The following IL3RA variants were observed in gnomAD, a reference collection of about 807,000 sequenced individuals.
The protein encoded by IL3RA is interleukin-3 receptor subunit alpha.
In IL3RA, 73 loss-of-function variants were observed where a neutral mutation model predicts 52.3. That is an observed-to-expected ratio of 1.40 (90% CI 1.16 to 1.70). IL3RA has a LOEUF of 1.70. Ranked by LOEUF, IL3RA falls within the 40% of genes most tolerant of loss-of-function variation. The pLI, the probability that IL3RA is intolerant of heterozygous loss-of-function variation, is 0.00. For missense variants in IL3RA, 664 were observed against 504.4 expected (o/e 1.32, Z -3.03); for synonymous variants, 260 against 194.0 (o/e 1.34, Z -2.83).
chrX:1,373,824 A>G (rs1459773825), intron 9 of IL3RA, among the ~76,000 whole-genome samples: 1 of 60,852 alleles, frequency 1.6e-5, no homozygotes, highest in Non-Finnish European at 2.7e-5. Flanking sequence ...CACACGGAGG[A>G]ACAACCCTGT....
At chrX:1,349,490 T>C (rs1379383772) in intron 4 of IL3RA, among the ~76,000 whole-genome samples, 3 of 151,854 alleles carry the variant, frequency 2.0e-5, no homozygotes, top group East Asian at 1.9e-4. Context: ...TTAAATACTT[T>C]TTGTAGAGAT....
At chrX:1,345,584 G>A in intron 3 of IL3RA, 150 bp downstream of exon 3, 1 of 453,474 alleles carries the variant, frequency 2.2e-6, no homozygotes, top group Non-Finnish European at 3.8e-6. Flanking sequence ...CCACCTCCCA[G>A]GTCCATGCCA....
At chrX:1,349,317 G>C (rs2085972172) in intron 4 of IL3RA, among the ~76,000 whole-genome samples, 1 of 151,626 alleles carries the variant, frequency 6.6e-6, no homozygotes. Flanking sequence ...GAGTAGCTGG[G>C]ATTATAGGCG....
intron 6 of IL3RA, among the ~76,000 whole-genome samples, chrX:1,355,111 GAGAGGA>G (rs1312283684): frequency 1.9e-5 from 1 of 53,522 alleles, no homozygotes; most frequent in Non-Finnish European, 3.5e-5. Flanking sequence ...GGAGCGGGAG[GAGAGGA>G]GGAGGAGGAG....
At chrX:1,348,320 T>A in intron 3 of IL3RA, 111 bp from the exon 4 acceptor site, 1 of 837,830 alleles carries the variant, frequency 1.2e-6, no homozygotes, top group Non-Finnish European at 2.1e-6. Flanking sequence ...GCCACTGCAC[T>A]CCAGCGTGGG....
At chrX:1,356,614 G>A (rs1242092868) in intron 7 of IL3RA, among the ~76,000 whole-genome samples, 2 of 151,384 alleles carry the variant, frequency 1.3e-5, no homozygotes, top group Non-Finnish European at 2.9e-5. Flanking sequence ...CTAAAAATAC[G>A]AAAAAAAATT....
chrX:1,378,389 G>T (rs1180083072), intron 9 of IL3RA, among the ~76,000 whole-genome samples: 4 of 152,144 alleles, frequency 2.6e-5, no homozygotes, highest in South Asian at 2.1e-4. Context: ...GGCAGACAGG[G>T]ATCCCTGGTG....
At position 1,352,400 on chromosome X, in the gene IL3RA, C is replaced by T. The variant is rs1163736427; in HGVS notation, c.510C>T (p.Ile170=). The T allele has an allele frequency of 3.7e-6, 6 of 1,613,892 alleles. No individual in the cohort carries two copies. The highest frequency in any genetic ancestry group is 1.7e-4 in the Middle Eastern group (1 of 6,056). ...GTATCGGGTGTCGTTTCGATGACATCTCTCGACTCTCCAGCGGTTCTCAAA... is the reference window on the plus strand; with the variant it reads ...GTATCGGGTGTCGTTTCGATGACATTTCTCGACTCTCCAGCGGTTCTCAAA... ...GTRIGCRFDD[I]SRLSSGSQSS... The change falls in exon 6 of 12, where the codon ATC becomes ATT. Residue 170 remains isoleucine (I), a synonymous_variant. Coordinates refer to ENST00000331035, the MANE Select transcript of IL3RA (RefSeq NM_002183.4).
intron 10 of IL3RA, among the ~76,000 whole-genome samples, chrX:1,379,436 G>A (rs1256990894): frequency 1.3e-5 from 2 of 152,136 alleles, no homozygotes; most frequent in East Asian, 1.9e-4. Flanking sequence ...GATTACAGGC[G>A]TGAGCCACCG....
At chrX:1,368,195 G>A (rs2088321220) in intron 9 of IL3RA, among the ~76,000 whole-genome samples, 3 of 151,554 alleles carry the variant, frequency 2.0e-5, no homozygotes, top group East Asian at 2.0e-4. Flanking sequence ...GGAGGCGGAG[G>A]TTGCAGTGAG....
At position 1,348,690 on chromosome X, in the gene IL3RA, C is replaced by CTTTCTTTCT. The variant is rs1224805023; in HGVS notation, c.298+148_298+149insCTTTCTTTT. On this transcript the variant is annotated intron_variant, in intron 4 of 11. Coordinates refer to ENST00000331035, the MANE Select transcript of IL3RA (RefSeq NM_002183.4). ...TCTTTCTTTCTTTCTTTCTTTCTTT[C>CTTTCTTTCT]TTTTTCTTTCTTTCTGTTTCTGTTT... The CTTTCTTTCT allele has an allele frequency of 1.0e-5, 5 of 481,438 alleles. No homozygotes were observed. In the Admixed American group the frequency reaches 2.1e-4, roughly 20 times the overall value. 29.8% of individuals were successfully genotyped at this position (481,438 alleles called of 1,614,324 possible).
chrX:1,352,125 G>C lies in IL3RA; in HGVS notation c.324G>C (p.Glu108Asp). Residue 108 changes from glutamate to aspartate, a missense_variant, in exon 5 of 12, where the codon GAG (glutamate) becomes GAC (aspartate). Glu to Asp is a conservative substitution (Grantham distance 45, BLOSUM62 2). Coordinates refer to ENST00000331035, the MANE Select transcript of IL3RA (RefSeq NM_002183.4). The stretch of plus-strand genomic sequence containing the variant: ...GTGGGAAGCCTTGGGCAGGTGCGGA[G>C]AATCTGACCTGCTGGATTCATGACG... ...ENSGKPWAGA[E>D]NLTCWIHDVD... 6.2e-7 allele frequency: 1 copy of C among 1,613,842 alleles called. No individual in the cohort carries two copies. The highest frequency in any genetic ancestry group is 8.5e-7 in the Non-Finnish European group (1 of 1,179,824).
intron 8 of IL3RA, among the ~76,000 whole-genome samples, chrX:1,362,634 T>C (rs17883355): frequency 0.39 from 59,406 of 151,848 alleles, 11,856 homozygotes; most frequent in South Asian, 0.54. Flanking sequence ...TATTAGTCCA[T>C]TTTCATGGAC....
At chrX:1,345,650 C>G (rs776404495) in intron 3 of IL3RA, among the ~76,000 whole-genome samples, 1 of 151,458 alleles carries the variant, frequency 6.6e-6, no homozygotes, top group Non-Finnish European at 1.5e-5. Context: ...CCACCATGCC[C>G]GGCTAATTTT....
chrX:1,343,268 G>C (rs1231133252), intron 2 of IL3RA, among the ~76,000 whole-genome samples: 3 of 152,024 alleles, frequency 2.0e-5, no homozygotes, highest in Non-Finnish European at 4.4e-5. Context: ...AGTTTATAAA[G>C]TCATTTCCTC....
At chrX:1,376,653 C>A (rs867931229) in intron 9 of IL3RA, among the ~76,000 whole-genome samples, 1 of 144,818 alleles carries the variant, frequency 6.9e-6, no homozygotes, top group Admixed American at 6.8e-5. Context: ...GAGAAGACGG[C>A]GTCTCCAAGC....
chrX:1,349,682 G>T (rs2085992897), intron 4 of IL3RA, among the ~76,000 whole-genome samples: 1 of 151,652 alleles, frequency 6.6e-6, no homozygotes, highest in Non-Finnish European at 1.5e-5. Flanking sequence ...GTTTTTCTGT[G>T]ATGGAGTCTT....
At chrX:1,344,808 G>A (rs1307056573) in intron 2 of IL3RA, among the ~76,000 whole-genome samples, 2 of 150,710 alleles carry the variant, frequency 1.3e-5, no homozygotes, top group African/African-American at 2.4e-5. Context: ...TAAAGAACTC[G>A]ACCTCCCAAA....
At position 1,362,092 on chromosome X, in the gene IL3RA, CTCTG is replaced by C. The variant is rs769536736; in HGVS notation, c.760-3043_760-3040del. 6.8e-3 allele frequency among the ~76,000 whole-genome samples: 1,041 copies of C among 152,018 alleles called. 9 individuals carry two copies. Among genetic ancestry groups the C allele is most frequent in the South Asian group, 0.036 (175 of 4,810 alleles). ...TGTCTCCGTTTCTATCTCTGTCTCT[CTCTG>C]TCCATCACCCACTCTGTCTCTTTGT... On this transcript the variant is annotated intron_variant, in intron 8 of 11. Coordinates refer to ENST00000331035, the MANE Select transcript of IL3RA (RefSeq NM_002183.4).
Sources: allele counts gnomAD v4.1 joint callset (sites outside exome capture counted in the v4.1 genomes callset), GRCh38; gene constraint gnomAD v4.1.1; transcripts MANE v1.5; gene names NCBI Gene and HGNC (gene_info 2026-07-23, HGNC 2026-07-21).